The following ZNF236 variants were observed in gnomAD, a reference collection of about 807,000 sequenced individuals.
The protein encoded by ZNF236 is zinc finger protein 236.
Under a neutral mutation model 191.2 loss-of-function variants are expected in ZNF236, and 50 were observed. The observed-to-expected ratio is 0.26, with a 90% confidence interval of 0.21 to 0.33. The LOEUF is 0.33. Among genes scored for constraint, ZNF236 ranks in the 10% least tolerant of loss-of-function variants. ZNF236 has a pLI of 1.00. For missense variants in ZNF236, 1,754 were observed against 2,374.5 expected, an observed-to-expected ratio of 0.74 and a Z score of 5.43; for synonymous variants, 907 against 928.8, an observed-to-expected ratio of 0.98 and a Z score of 0.43.
At chr18:76,828,697 C>T (rs1599306875) in intron 1 of ZNF236, among the ~76,000 whole-genome samples, 1 of 152,144 alleles carries the variant, frequency 6.6e-6, no homozygotes, top group African/African-American at 2.4e-5. Context: ...GACGGAGTCT[C>T]GCTCTGTTGC....
At chr18:76,922,603 C>T (rs1967568530) in intron 20 of ZNF236, among the ~76,000 whole-genome samples, 1 of 151,106 alleles carries the variant, frequency 6.6e-6, no homozygotes, top group African/African-American at 2.4e-5. Context: ...GTCACCCAGG[C>T]TGGAGTGCAG....
chr18:76,828,872 G>T (rs1396242100), intron 1 of ZNF236, among the ~76,000 whole-genome samples: 2 of 152,146 alleles, frequency 1.3e-5, no homozygotes, highest in East Asian at 3.9e-4. Flanking sequence ...TCACCATGTT[G>T]CCCAGGCTGG....
intron 9 of ZNF236, 52 bp downstream of exon 9, chr18:76,881,564 T>C (rs1208353002): frequency 6.6e-7 from 1 of 1,505,542 alleles, no homozygotes; most frequent in Non-Finnish European, 9.0e-7. Context: ...ATATTGCTGG[T>C]TTTTAAGAAA....
At chr18:76,869,724 G>A (rs1976527426) in intron 4 of ZNF236, among the ~76,000 whole-genome samples, 1 of 152,192 alleles carries the variant, frequency 6.6e-6, no homozygotes, top group Non-Finnish European at 1.5e-5. Flanking sequence ...GGGAGGCCAG[G>A]GCAGGCGGAT....
intron 20 of ZNF236, 90 bp from the exon 21 acceptor site, chr18:76,922,981 T>C (rs1967580170): frequency 2.1e-6 from 2 of 965,624 alleles, no homozygotes. Context: ...AAGCAGAACG[T>C]AGTAACACCT....
intron 20 of ZNF236, among the ~76,000 whole-genome samples, chr18:76,922,659 C>T (rs545943453): frequency 2.6e-5 from 4 of 151,762 alleles, no homozygotes; most frequent in South Asian, 2.1e-4. Context: ...TGGGTTCAAG[C>T]GATTCTCCTG....
At chr18:76,943,794 C>G (rs1489481563) in intron 26 of ZNF236, among the ~76,000 whole-genome samples, 1 of 152,140 alleles carries the variant, frequency 6.6e-6, no homozygotes, top group Non-Finnish European at 1.5e-5. Context: ...CTTTCTTAGC[C>G]TTGATCTTCT....
At chr18:76,910,029 C>T in intron 14 of ZNF236, 39 bp from the exon 15 acceptor site, 1 of 1,514,772 alleles carries the variant, frequency 6.6e-7, no homozygotes. Context: ...AAATAACTTC[C>T]AAATGTATGC....
At chr18:76,866,204 CG>C (rs1976398654) in intron 3 of ZNF236, among the ~76,000 whole-genome samples, 1 of 152,210 alleles carries the variant, frequency 6.6e-6, no homozygotes, top group Non-Finnish European at 1.5e-5. Flanking sequence ...AACTTTCCCA[CG>C]GAAGACATTG....
intron 22 of ZNF236, among the ~76,000 whole-genome samples, chr18:76,926,577 AGT>A (rs1376449882): frequency 6.6e-6 from 1 of 151,538 alleles, no homozygotes; most frequent in African/African-American, 2.4e-5. Flanking sequence ...GTGATTAGAC[AGT>A]GTGTATGATT....
At chr18:76,966,010 G>T (rs1968766061) in intron 30 of ZNF236, among the ~76,000 whole-genome samples, 1 of 152,180 alleles carries the variant, frequency 6.6e-6, no homozygotes, top group Admixed American at 6.5e-5. Context: ...TTGGGTGGGG[G>T]CTGGGCTAGG....
chr18:76,942,183 T>C (rs568195145), intron 26 of ZNF236, among the ~76,000 whole-genome samples: 1 of 152,314 alleles, frequency 6.6e-6, no homozygotes, highest in African/African-American at 2.4e-5. Context: ...AAATGACATG[T>C]GCTCCTTGAA....
chr18:76,960,863 T>A lies in ZNF236; in HGVS notation c.5419+8T>A. On this transcript the variant is annotated splice_region_variant and intron_variant, in intron 30 of 30. Transcript: ENST00000320610. This position sits in a 1 kb window ranked among gnomAD's most constrained non-coding sequence, Gnocchi z 4.4. The stretch of plus-strand genomic sequence containing the variant: ...GGGCGCACAGCTATGCTGGTGAGAA[T>A]GCTGCACCCGGGAGTGCGTGCTGTT... The A allele has an allele frequency of 6.2e-7, 1 of 1,607,512 alleles. No homozygotes were observed. The highest frequency in any genetic ancestry group is 2.2e-5 in the East Asian group (1 of 44,696).
At chr18:76,908,598 T>C (rs750105337) in intron 14 of ZNF236, 25 bp downstream of exon 14, 19 of 1,581,468 alleles carry the variant, frequency 1.2e-5, no homozygotes, top group Non-Finnish European at 1.6e-5. Flanking sequence ...ATATTTAACT[T>C]TGAGTGATCC....
intron 1 of ZNF236, among the ~76,000 whole-genome samples, chr18:76,843,803 A>AAAAAAAG (rs71172383): frequency 0.028 from 1,728 of 62,072 alleles, 494 homozygotes; most frequent in African/African-American, 0.031. Context: ...AAAAAAAAAA[A>AAAAAAAG]AAGTAAAGAA....
intron 30 of ZNF236, among the ~76,000 whole-genome samples, chr18:76,963,008 A>T (rs984814733): frequency 2.6e-5 from 4 of 152,192 alleles, no homozygotes; most frequent in African/African-American, 7.2e-5. Context: ...GTAAACAATC[A>T]TATCATCAGC....
intron 9 of ZNF236, chr18:76,886,769 G>A (rs908814928): frequency 6.5e-6 from 1 of 153,306 alleles, no homozygotes; most frequent in Non-Finnish European, 1.5e-5. Context: ...CAACTGACAT[G>A]ATTGCCGCTG....
chr18:76,899,257 T>C (rs779048217), intron 11 of ZNF236, 35 bp downstream of exon 11: 2 of 1,561,770 alleles, frequency 1.3e-6, no homozygotes, highest in South Asian at 1.1e-5. Context: ...TATAATTTAT[T>C]GAGTACTATT....
chr18:76,947,773 T>C, intron 27 of ZNF236, 121 bp downstream of exon 27: 1 of 1,245,096 alleles, frequency 8.0e-7, no homozygotes, highest in South Asian at 1.5e-5. Flanking sequence ...GGCTGACTTC[T>C]GAGGTGTCCC....
Sources: allele counts gnomAD v4.1 joint callset (sites outside exome capture counted in the v4.1 genomes callset), GRCh38; gene constraint gnomAD v4.1.1; non-coding constraint Gnocchi (gnomAD v3.1); transcripts MANE v1.5; gene names NCBI Gene and HGNC (gene_info 2026-07-23, HGNC 2026-07-21).